The following ZNF426 variants were observed in gnomAD, a reference collection of about 807,000 sequenced individuals.
ZNF426 encodes the protein CTC-543D15.7.
A neutral mutation model predicts 24.0 loss-of-function variants in ZNF426; 23 were observed. The observed-to-expected ratio is 0.96, with a 90% confidence interval of 0.69 to 1.36. ZNF426 has a LOEUF of 1.36. Ranked by LOEUF, ZNF426 falls within the 40% of genes most tolerant of loss-of-function variation. The probability of loss-of-function intolerance (pLI) is 0.00; values close to 1 mark genes in which losing one functional copy is unlikely to be tolerated. For missense variants in ZNF426, 646 were observed against 658.4 expected (o/e 0.98, Z 0.21); for synonymous variants, 272 against 224.6 (o/e 1.21, Z -1.89).
rs762359802 is a variant in ZNF426, at chr19:9,529,459, G to A, written c.586C>T (p.Leu196Phe). The A allele has an allele frequency of 6.2e-7, 1 of 1,613,892 alleles. No individual in the cohort carries two copies. Among genetic ancestry groups the A allele is most frequent in the Non-Finnish European group, 8.5e-7 (1 of 1,180,010 alleles). The change falls in exon 8 of 8, where the codon CTT (leucine) becomes TTT (phenylalanine). Residue 196 changes from leucine to phenylalanine, a missense_variant. Physicochemically the swap from Leu to Phe is conservative, Grantham distance 22. Transcript: ENST00000253115. Reference protein sequence around the residue: ...LCEKTSTGEKLSEFNQSEKIF... With the variant: ...LCEKTSTGEKFSEFNQSEKIF... ...TTTTCACTCTGATTAAACTCAGAAAGTTTCTCACCAGTAGAGGTTTTCTCA... is the reference window on the plus strand; with the variant it reads ...TTTTCACTCTGATTAAACTCAGAAAATTTCTCACCAGTAGAGGTTTTCTCA...
Position 9,528,612 on chromosome 19 carries a change from C to G in ZNF426, c.1433G>C (p.Cys478Ser), listed in dbSNP as rs1268705303. The G allele has an allele frequency of 6.2e-7, 1 of 1,613,942 alleles. No homozygotes were observed. The highest frequency in any genetic ancestry group is 1.3e-5 in the African/African-American group (1 of 74,946). ...ACTGAAGGCCTTTCCACATTGTTTA[C>G]ACTCATAGGGTTTTTCTCCAGTGTG... ...RIHTGEKPYE[C>S]KQCGKAFSHS... Residue 478 changes from cysteine (C) to serine (S), a missense_variant, in exon 8 of 8, where the codon TGT becomes TCT. Transcript: ENST00000253115.
chr19:9,536,156 T>G, intron 3 of ZNF426, 52 bp downstream of exon 3: 1 of 1,611,440 alleles, frequency 6.2e-7, no homozygotes, highest in Non-Finnish European at 8.5e-7. Flanking sequence ...GACCCTATAT[T>G]GTGTAAAGGG....
In ZNF426 at chr19:9,528,816, T is replaced by C. The variant is rs886619445; in HGVS notation, c.1229A>G (p.His410Arg). ...AFAVSSNLSG[H>R]LRTHTEEKAC... is the part of the protein sequence containing the mutation. ...CTTCTCTTCAGTGTGAGTTCTCAAA[T>C]GTCCACTAAGATTTGAGGAAACTGC... The change falls in exon 8 of 8, where the codon CAT becomes CGT. Residue 410 changes from histidine (H) to arginine (R), a missense_variant. His to Arg is a conservative substitution (Grantham distance 29). Coordinates refer to ENST00000253115, the MANE Select transcript of ZNF426 (RefSeq NM_024106.3). 5 of 1,614,210 alleles carry C rather than the reference T, an allele frequency of 3.1e-6. No individual in the cohort carries two copies.
rs781772911 is a variant in ZNF426, at chr19:9,536,223, C to T, written c.10G>A (p.Ala4Thr). 6.2e-7 allele frequency: 1 copy of T among 1,614,204 alleles called. No individual in the cohort carries two copies. Among genetic ancestry groups the T allele is most frequent in the South Asian group, 1.1e-5 (1 of 91,084 alleles). The change falls in exon 3 of 8, where the codon GCT becomes ACT. Residue 4 changes from alanine (A) to threonine (T), a missense_variant. By Grantham distance (58) the Ala-to-Thr change is moderately conservative. Coordinates refer to ENST00000253115, the MANE Select transcript of ZNF426 (RefSeq NM_024106.3). MAA[A>T]DLSHGHYLSG... Reference sequence around the variant, plus strand: ...CAGAGCTTACCATGGGACAAATCAGCAGCTGCCATCCCGCGAGGTGAGAAC... The same window carrying T: ...CAGAGCTTACCATGGGACAAATCAGTAGCTGCCATCCCGCGAGGTGAGAAC...
At position 9,523,886 on chromosome 19, in the gene ZNF426, G is replaced by C. The variant is rs1454753132; in HGVS notation, c.*4494C>G. 1 of 152,244 alleles carries C rather than the reference G, an allele frequency of 6.6e-6. No homozygotes were observed. Among genetic ancestry groups the C allele is most frequent in the African/African-American group, 2.4e-5 (1 of 41,458 alleles). The allele number at this position is 152,244 out of a possible 1,614,324, so 9.4% of individuals were successfully genotyped here. ...CCTAGCAGGCCACAGACCAGTACCA[G>C]TCCATGGCCCAGGGGTTTGGGGATC... On this transcript the variant is annotated 3_prime_UTR_variant, in exon 8 of 8. Coordinates refer to ENST00000253115, the MANE Select transcript of ZNF426 (RefSeq NM_024106.3).
At position 9,527,806 on chromosome 19, in the gene ZNF426, T is replaced by C. The variant is rs545305721; in HGVS notation, c.*574A>G. On this transcript the variant is annotated 3_prime_UTR_variant, in exon 8 of 8. Transcript: ENST00000253115. Reference sequence around the variant, plus strand: ...GCCCAAGATGAAGGTGCCAGCAGGGTTGGTGGCTTTGATAGAAGGATCTGT... The same window carrying C: ...GCCCAAGATGAAGGTGCCAGCAGGGCTGGTGGCTTTGATAGAAGGATCTGT... The C allele has an allele frequency of 1.2e-4, 19 of 152,110 alleles. No individual in the cohort carries two copies. The highest frequency in any genetic ancestry group is 4.6e-4 in the African/African-American group (19 of 41,492). 9.4% of individuals were successfully genotyped at this position (152,110 alleles called of 1,614,324 possible). A position where few individuals can be genotyped will look rare whatever the true frequency, so the allele number is the denominator to read the frequency against.
At chr19:9,534,918 C>T (rs556522689) in intron 4 of ZNF426, among the ~76,000 whole-genome samples, 1 of 152,090 alleles carries the variant, frequency 6.6e-6, no homozygotes, top group East Asian at 1.9e-4. Context: ...AAGTTAGCAC[C>T]TCCCTATATG....
chr19:9,529,508 A>T lies in ZNF426; in HGVS notation c.537T>A (p.Tyr179Ter), dbSNP rs777765708. ...STGNTHDCNQYGKDFLTLCEK... is the reference protein window; with the variant it reads ...STGNTHDCNQ Reference sequence around the variant, plus strand: ...CACACAGGGTAAGGAAATCTTTTCCATACTGATTACAGTCATGAGTGTTCC... The same window carrying T: ...CACACAGGGTAAGGAAATCTTTTCCTTACTGATTACAGTCATGAGTGTTCC... Residue 179 changes from tyrosine (Y) to a stop codon, truncating the protein, a stop_gained, in exon 8 of 8, where the codon TAT (tyrosine) becomes TAA (stop). Transcript: ENST00000253115. LOFTEE classifies it low-confidence loss of function (END_TRUNC). The T allele has an allele frequency of 5.6e-6, 9 of 1,613,314 alleles. No individual in the cohort carries two copies. The highest frequency in any genetic ancestry group is 7.6e-6 in the Non-Finnish European group (9 of 1,179,926).
chr19:9,536,269 T>G lies in ZNF426; in HGVS notation c.-37A>C, dbSNP rs757063397. 1.9e-6 allele frequency: 3 copies of G among 1,614,106 alleles called. No individual in the cohort carries two copies. The highest frequency in any genetic ancestry group is 2.5e-6 in the Non-Finnish European group (3 of 1,180,044). ...AGAACGTGTCAGAACCCTCCTTTCA[T>G]TGATGTCACCATCACTTCAGGACAC... On this transcript the variant is annotated 5_prime_UTR_variant, in exon 3 of 8. The change abolishes an upstream ATG in the 5' untranslated region. Transcript: ENST00000253115.
intron 3 of ZNF426, 145 bp downstream of exon 3, chr19:9,536,063 C>T (rs888872): frequency 2.2e-6 from 2 of 914,376 alleles, no homozygotes; most frequent in Non-Finnish European, 3.4e-6. Flanking sequence ...ACAGGCAGAG[C>T]CTGACTCACA....
intron 5 of ZNF426, 53 bp downstream of exon 5, chr19:9,533,787 G>C: frequency 1.3e-5 from 21 of 1,610,420 alleles, no homozygotes; most frequent in Non-Finnish European, 1.7e-5. Context: ...AAAACAGTAA[G>C]TACAAAACAT....
rs940064104 is a variant in ZNF426, at chr19:9,530,990, G to A, written c.403C>T (p.Gln135Ter). Residue 135 changes from glutamine to a stop codon, truncating the protein, a stop_gained, in exon 7 of 8, where the codon CAA (glutamine) becomes TAA (stop). Transcript: ENST00000253115. LOFTEE classifies it low-confidence loss of function (END_TRUNC). ...FLRGQTSIGIQLEGKHNGREL... is the reference protein window; with the variant it reads ...FLRGQTSIGI ...ATATCCTATGCAAATCTTACCAATTGTATCCCAATGGATGTCTGACCCCTC... is the reference window on the plus strand; with the variant it reads ...ATATCCTATGCAAATCTTACCAATTATATCCCAATGGATGTCTGACCCCTC... 3.7e-6 allele frequency: 6 copies of A among 1,611,844 alleles called. No homozygotes were observed. The highest frequency in any genetic ancestry group is 5.1e-6 in the Non-Finnish European group (6 of 1,177,962).
intron 2 of ZNF426, among the ~76,000 whole-genome samples, chr19:9,537,463 T>C (rs2073984664): frequency 6.6e-6 from 1 of 150,652 alleles, no homozygotes; most frequent in Non-Finnish European, 1.5e-5. Context: ...TTTTTTTTTT[T>C]TTTTTTTGGA....
Position 9,528,443 on chromosome 19 carries a change from A to G in ZNF426, c.1602T>C (p.Cys534=). The change falls in exon 8 of 8, where the codon TGT becomes TGC. Residue 534 remains cysteine, a synonymous_variant. Coordinates refer to ENST00000253115, the MANE Select transcript of ZNF426 (RefSeq NM_024106.3). The part of the protein sequence containing the change: ...KTHTEEKPYK[C]QQCGKAYSHP... ...GACTGTAAGCTTTCCCGCATTGCTG[A>G]CATTTATAGGGTTTCTCTTCTGTGT... The G allele has an allele frequency of 1.9e-6, 3 of 1,612,412 alleles. No individual in the cohort carries two copies. The highest frequency in any genetic ancestry group is 2.5e-6 in the Non-Finnish European group (3 of 1,179,470).
chr19:9,531,713 G>A (rs563739546), intron 6 of ZNF426, among the ~76,000 whole-genome samples: 24 of 152,064 alleles, frequency 1.6e-4, no homozygotes, highest in African/African-American at 3.1e-4. Context: ...GGCCGGGCAC[G>A]GTGGCTCATG....
chr19:9,533,243 C>T (rs1253670104), intron 5 of ZNF426, among the ~76,000 whole-genome samples: 1 of 150,386 alleles, frequency 6.6e-6, no homozygotes, highest in Non-Finnish European at 1.5e-5. Flanking sequence ...GTCAGGAGTT[C>T]GAGACCAGCC....
At chr19:9,532,775 A>G in intron 6 of ZNF426, 70 bp downstream of exon 6, 2 of 1,197,050 alleles carry the variant, frequency 1.7e-6, no homozygotes, top group South Asian at 2.6e-5. Context: ...CATGTTAAAA[A>G]GTTTCCTAAT....
At position 9,528,713 on chromosome 19, in the gene ZNF426, G is replaced by C. The variant is rs772342856; in HGVS notation, c.1332C>G (p.Ala444=). Residue 444 remains alanine, a synonymous_variant, in exon 8 of 8, where the codon GCC becomes GCG. Transcript: ENST00000253115. ...ATTCCTTACAGGTGTATGGTTTCTG[G>C]GCACTGTGCGTTCGCATGTGATTAT... ...CLNNHMRTHS[A]QKPYTCKECG... 1 of 1,613,614 alleles carries C rather than the reference G, an allele frequency of 6.2e-7. No homozygotes were observed.
At chr19:9,534,534 G>A (rs17207518) in intron 4 of ZNF426, among the ~76,000 whole-genome samples, 2,914 of 152,164 alleles carry the variant, frequency 0.019, 34 homozygotes, top group Non-Finnish European at 0.031. Flanking sequence ...ATCTATTTGA[G>A]CGCATTGCTC....
Sources: gnomAD v4.1 joint callset for allele counts (sites outside exome capture counted in the v4.1 genomes callset) on GRCh38, gnomAD v4.1.1 for gene constraint, MANE v1.5 for transcripts, NCBI Gene and HGNC (gene_info 2026-07-23, HGNC 2026-07-21) for gene names.